The following MACF1 variants were observed in gnomAD, a reference collection of about 807,000 sequenced individuals.
MACF1 encodes the protein microtubule actin crosslinking factor 1, also known as microtubule-actin cross-linking factor 1.
Under a neutral mutation model 854.8 loss-of-function variants are expected in MACF1, and 193 were observed. The ratio of observed to expected loss-of-function variants is 0.23; its 90% CI spans 0.20 to 0.25. MACF1 has a LOEUF of 0.25. Ranked by LOEUF, MACF1 falls within the 10% of genes least tolerant of loss-of-function variation. The probability of loss-of-function intolerance (pLI) is 1.00; values close to 1 mark genes in which losing one functional copy is unlikely to be tolerated. For synonymous variants in MACF1, 3,185 were observed against 3,226.7 expected (o/e 0.99, Z 0.44); for missense variants, 7,722 against 8,929.1 (o/e 0.86, Z 5.45).
intron 2 of MACF1, among the ~76,000 whole-genome samples, chr1:39,169,474 G>A (rs1449637221): frequency 1.3e-5 from 2 of 151,880 alleles, no homozygotes; most frequent in South Asian, 2.1e-4. Context: ...ACCTGGTGGT[G>A]TGTGCCTGTA....
chr1:39,322,748 T>C (rs1484988909), intron 32 of MACF1, 33 bp downstream of exon 32: 1 of 1,599,804 alleles, frequency 6.3e-7, no homozygotes, highest in African/African-American at 1.3e-5. Context: ...TACACCACTG[T>C]CTTCCCTTAA....
chr1:39,360,993 A>G lies in MACF1; in HGVS notation c.12445A>G (p.Thr4149Ala). The G allele has an allele frequency of 1.2e-6, 2 of 1,613,936 alleles. No homozygotes were observed. Among genetic ancestry groups the G allele is most frequent in the Non-Finnish European group, 1.7e-6 (2 of 1,179,792 alleles). ...AGGAGTCATCCAGGAAGCCTTAGCC[A>G]CAAATATGGTAAGATCTGTGTCCCA... is the stretch of plus-strand genomic sequence containing the variant. ...SSGVIQEALA[T>A]NMKLKQDIAR... Residue 4149 changes from threonine (T) to alanine (A), a missense_variant, in exon 48 of 101, where the codon ACA becomes GCA. Coordinates refer to ENST00000564288, the MANE Select transcript of MACF1 (RefSeq NM_001394062.1).
chr1:39,391,318 T>C (rs1642027979), intron 58 of MACF1, among the ~76,000 whole-genome samples: 1 of 152,208 alleles, frequency 6.6e-6, no homozygotes, highest in Non-Finnish European at 1.5e-5. Flanking sequence ...AGCTGCTTTG[T>C]ATTAAGTATT....
rs371647149 is a variant in MACF1 at position 39,295,118 on chromosome 1, C to T, written c.2227C>T (p.Leu743Phe). The T allele has an allele frequency of 1.9e-6, 3 of 1,614,080 alleles. No homozygotes were observed. Among genetic ancestry groups the T allele is most frequent in the African/African-American group, 1.3e-5 (1 of 75,028 alleles). The change falls in exon 19 of 101, where the codon CTT (leucine) becomes TTT (phenylalanine). Residue 743 changes from leucine (L) to phenylalanine (F), a missense_variant. Transcript: ENST00000564288. The stretch of plus-strand genomic sequence containing the variant: ...ACAAGATACAGCAGAACTACTTTCA[C>T]TTGAGAACCACCCAGCCAAGCAGAC... ...SLQDTAELLS[L>F]ENHPAKQTVE...
chr1:39,261,472 TCACCA>T (rs2148346538), intron 6 of MACF1, among the ~76,000 whole-genome samples: 1 of 152,328 alleles, frequency 6.6e-6, no homozygotes, highest in Admixed American at 6.5e-5. Flanking sequence ...CACATTTTCA[TCACCA>T]GCCTCAGGCA....
intron 56 of MACF1, among the ~76,000 whole-genome samples, chr1:39,383,852 G>A (rs1650463142): frequency 6.6e-6 from 1 of 151,984 alleles, no homozygotes; most frequent in Non-Finnish European, 1.5e-5. Flanking sequence ...ACTCCAGCCT[G>A]GGCAACAGAG....
chr1:39,418,585 G>A (rs1257832423), intron 58 of MACF1, among the ~76,000 whole-genome samples: 1 of 152,254 alleles, frequency 6.6e-6, no homozygotes, highest in African/African-American at 2.4e-5. Flanking sequence ...TAACAAGGCT[G>A]GATGCCGTGG....
chr1:39,135,123 T>C (rs996403437), intron 2 of MACF1, among the ~76,000 whole-genome samples: 1 of 152,230 alleles, frequency 6.6e-6, no homozygotes, highest in South Asian at 2.1e-4. Flanking sequence ...AGAATTTCCT[T>C]CCTTTTTAAG....
chr1:39,284,079 G>C lies in MACF1; in HGVS notation c.929G>C (p.Arg310Thr). 1 of 1,614,018 alleles carries C rather than the reference G, an allele frequency of 6.2e-7. No homozygotes were observed. The change falls in exon 10 of 101, where the codon AGG becomes ACG. Residue 310 changes from arginine (R) to threonine (T), a missense_variant. By Grantham distance (71) the Arg-to-Thr change is moderately conservative. This residue lies in a region of MACF1 where 97 missense variants were observed against 130.4 expected (regional missense o/e 0.74). Coordinates refer to ENST00000564288, the MANE Select transcript of MACF1 (RefSeq NM_001394062.1). ...TTCTGGCAATAGGAAGTGGACTCCA[G>C]GTGGCAAGAATACCAAAGCCGAGTG... ...EGISATEVDS[R>T]WQEYQSRVDS...
chr1:39,334,193 C>CA lies in MACF1; in HGVS notation c.7609dup (p.Arg2537LysfsTer3). On this transcript the variant is annotated frameshift_variant, in exon 37 of 101. Transcript: ENST00000564288. LOFTEE classifies it high-confidence loss of function. ...TTGGTGAAGATTTAGCCGAGAAACT[C>CA]AAAAGAGTTGAGAACTTAAACATCC... 1 of 1,614,084 alleles carries CA rather than the reference C, an allele frequency of 6.2e-7. No individual in the cohort carries two copies. The highest frequency in any genetic ancestry group is 8.5e-7 in the Non-Finnish European group (1 of 1,180,006).
chr1:39,222,245 C>G (rs1459605525), intron 1 of MACF1, among the ~76,000 whole-genome samples: 1 of 152,200 alleles, frequency 6.6e-6, no homozygotes, highest in East Asian at 1.9e-4. Context: ...CCACCTCAGC[C>G]ACCCAAGTAG....
intron 72 of MACF1, among the ~76,000 whole-genome samples, chr1:39,440,048 A>T (rs886099162): frequency 6.7e-6 from 1 of 149,940 alleles, no homozygotes; most frequent in African/African-American, 2.5e-5. Context: ...TGTTACATTG[A>T]CATACTTTTT....
intron 2 of MACF1, among the ~76,000 whole-genome samples, chr1:39,113,100 C>T (rs1642453370): frequency 6.6e-6 from 1 of 152,142 alleles, no homozygotes; most frequent in Non-Finnish European, 1.5e-5. Context: ...TTCATTAATC[C>T]TGCCCATCAC....
intron 97 of MACF1, among the ~76,000 whole-genome samples, chr1:39,473,677 G>A (rs1644820988): frequency 2.1e-5 from 3 of 142,324 alleles, no homozygotes; most frequent in East Asian, 4.2e-4. Context: ...TGAAGGTTGC[G>A]AGATCCATTC....
At chr1:39,358,598 G>A in intron 45 of MACF1, 99 bp from the exon 46 acceptor site, 1 of 1,095,920 alleles carries the variant, frequency 9.1e-7, no homozygotes, top group South Asian at 1.4e-5. Flanking sequence ...TGAAGTTACA[G>A]TGAGTTGTCT....
Position 39,335,101 on chromosome 1 carries a change from A to G in MACF1, c.8513A>G (p.Lys2838Arg). Residue 2838 changes from lysine (K) to arginine (R), a missense_variant, in exon 37 of 101, where the codon AAG becomes AGG. By Grantham distance (26) the Lys-to-Arg change is conservative. Transcript: ENST00000564288. ...VRVSDGEQAK[K>R]SREISLKEFG... ...GTTTCTGATGGGGAGCAGGCAAAAA[A>G]GAGCAGGGAAATTTCCTTAAAGGAA... The G allele has an allele frequency of 6.2e-7, 1 of 1,614,190 alleles. No individual in the cohort carries two copies. Among genetic ancestry groups the G allele is most frequent in the Non-Finnish European group, 8.5e-7 (1 of 1,180,012 alleles).
rs112384658 is a variant in MACF1 at position 39,452,818 on chromosome 1, C to T, written c.20742+6C>T. 1.0e-4 allele frequency: 161 copies of T among 1,613,536 alleles called. No homozygotes were observed. The African/African-American group carries it at 1.4e-3, about 14-fold the overall frequency. ...CTCTCATTGACACCCATAAGGTAAT[C>T]CAGCCTTGGGGTTTGGTGACCTCAT... On this transcript the variant is annotated splice_donor_region_variant and intron_variant, in intron 87 of 100. Transcript: ENST00000564288.
chr1:39,419,277 T>C (rs1643441170), intron 58 of MACF1, among the ~76,000 whole-genome samples: 1 of 152,186 alleles, frequency 6.6e-6, no homozygotes, highest in East Asian at 1.9e-4. Context: ...AGAGTGAAGG[T>C]GAGAAATGAA....
chr1:39,326,319 A>G (rs1646609021), intron 35 of MACF1, among the ~76,000 whole-genome samples: 1 of 152,188 alleles, frequency 6.6e-6, no homozygotes. Flanking sequence ...AAGAAAGGGA[A>G]AGGAATGGAC....
Sources: gnomAD v4.1 joint callset for allele counts (sites outside exome capture counted in the v4.1 genomes callset) on GRCh38, gnomAD v4.1.1 for gene constraint, gnomAD v4.1.1 regional missense constraint, MANE v1.5 for transcripts, NCBI Gene and HGNC (gene_info 2026-07-23, HGNC 2026-07-21) for gene names.